Variants in MARCHF10 observed in about 807,000 individuals in gnomAD.
MARCHF10 encodes the protein membrane associated ring-CH-type finger 10, also known as probable E3 ubiquitin-protein ligase MARCHF10.
A neutral mutation model predicts 76.2 loss-of-function variants in MARCHF10; 64 were observed. The ratio of observed to expected loss-of-function variants is 0.84; its 90% confidence interval spans 0.69 to 1.03. The LOEUF is 1.03. Among genes scored for constraint, MARCHF10 ranks in the 50% least tolerant of loss-of-function variants. MARCHF10 has a pLI of 0.00. For missense variants in MARCHF10, 875 were observed against 958.0 expected (o/e 0.91, Z 1.14); for synonymous variants, 340 against 357.5 (o/e 0.95, Z 0.55).
intron 3 of MARCHF10, among the ~76,000 whole-genome samples, chr17:62,779,234 G>A (rs1337614953): frequency 6.6e-6 from 1 of 152,214 alleles, no homozygotes; most frequent in South Asian, 2.1e-4. Flanking sequence ...TAGAACCAGC[G>A]TGTGCATGCG....
At chr17:62,782,375 T>C (rs1598014935) in intron 3 of MARCHF10, among the ~76,000 whole-genome samples, 1 of 122,340 alleles carries the variant, frequency 8.2e-6, no homozygotes. Context: ...TGAGATGGAG[T>C]CTCGCTCTGT....
chr17:62,802,807 G>C (rs1263990018), intron 1 of MARCHF10, among the ~76,000 whole-genome samples: 1 of 152,204 alleles, frequency 6.6e-6, no homozygotes, highest in Non-Finnish European at 1.5e-5. Flanking sequence ...CTGGAGCAGA[G>C]ATGAGGAAGG....
intron 3 of MARCHF10, among the ~76,000 whole-genome samples, chr17:62,762,751 G>A (rs2092239116): frequency 6.6e-6 from 1 of 152,158 alleles, no homozygotes; most frequent in Admixed American, 6.5e-5. Context: ...TCACCATGTT[G>A]CCCAGGCTGG....
chr17:62,772,574 T>C (rs947558407), intron 3 of MARCHF10, among the ~76,000 whole-genome samples: 1 of 152,074 alleles, frequency 6.6e-6, no homozygotes, highest in Non-Finnish European at 1.5e-5. Context: ...ATATTCTGAT[T>C]TGGGGATCAA....
chr17:62,790,010 A>T (rs1221726622), intron 2 of MARCHF10, among the ~76,000 whole-genome samples: 2 of 152,196 alleles, frequency 1.3e-5, no homozygotes, highest in African/African-American at 4.8e-5. Context: ...AGTGCAAAAT[A>T]AGAAAAATAA....
intron 2 of MARCHF10, among the ~76,000 whole-genome samples, chr17:62,796,457 C>T (rs1385391588): frequency 2.0e-5 from 3 of 152,170 alleles, no homozygotes; most frequent in Non-Finnish European, 4.4e-5. Flanking sequence ...TAAAGACAAC[C>T]AGATTTATTT....
At position 62,720,426 on chromosome 17, in the gene MARCHF10, C is replaced by T. The variant is rs1390919206; in HGVS notation, c.2214+2062G>A. Among the ~76,000 whole-genome samples, 3 of 152,142 alleles carry T rather than the reference C, an allele frequency of 2.0e-5. No individual in the cohort carries two copies. The East Asian group carries it at 5.8e-4, about 29-fold the overall frequency. On this transcript the variant is annotated intron_variant, in intron 8 of 10. Transcript: ENST00000311269. ...TGCTTCTCAGTTTCTCTATCCTCCC[C>T]CTCCCACCTTAGGTGGGACAAGATG...
In MARCHF10 at chr17:62,779,221, A is replaced by G. The variant is rs148597587; in HGVS notation, c.210+9259T>C. Among the ~76,000 whole-genome samples the G allele has an allele frequency of 1.5e-3, 233 of 152,336 alleles. 3 individuals are homozygous for G. The South Asian group carries it at 0.016, about 10-fold the overall frequency. Reference sequence around the variant, plus strand: ...GCCTCCCAGGGTGGGGCCCCCTGGCAGCTAGAACCAGCGTGTGCATGCGCG... The same window carrying G: ...GCCTCCCAGGGTGGGGCCCCCTGGCGGCTAGAACCAGCGTGTGCATGCGCG... On this transcript the variant is annotated intron_variant, in intron 3 of 10. Coordinates refer to ENST00000311269, the MANE Select transcript of MARCHF10 (RefSeq NM_152598.4).
intron 5 of MARCHF10, 76 bp downstream of exon 5, chr17:62,744,300 T>C (rs2091623018): frequency 1.3e-6 from 2 of 1,482,494 alleles, no homozygotes; most frequent in Admixed American, 2.2e-5. Context: ...CTAAAAACCA[T>C]AAAGAATTCA....
rs2089934298 is a variant in MARCHF10 at position 62,711,597 on chromosome 17, A to G, written c.2215-253T>C. ...GAGAAAGTTCCATTTTCCAGGCTCAATCCCATTCCACATTTATTGAGCAGT... is the reference window on the plus strand; with the variant it reads ...GAGAAAGTTCCATTTTCCAGGCTCAGTCCCATTCCACATTTATTGAGCAGT... On this transcript the variant is annotated intron_variant, in intron 8 of 10. Transcript: ENST00000311269. This position sits in a 1 kb window ranked among gnomAD's most constrained non-coding sequence, Gnocchi z 4.4. 6.6e-6 allele frequency among the ~76,000 whole-genome samples: 1 copy of G among 152,200 alleles called. No homozygotes were observed. The highest frequency in any genetic ancestry group is 1.5e-5 in the Non-Finnish European group (1 of 68,034).
chr17:62,759,895 G>A lies in MARCHF10; in HGVS notation c.322C>T (p.His108Tyr), dbSNP rs1351327894. 8.1e-6 allele frequency: 13 copies of A among 1,613,932 alleles called. No individual in the cohort carries two copies. Among genetic ancestry groups the A allele is most frequent in the Non-Finnish European group, 1.1e-5 (13 of 1,180,020 alleles). The stretch of plus-strand genomic sequence containing the variant: ...TTCCTTACAGTCATGGTACTTTTAT[G>A]TTTCTGCTTGACTGATGTTTGGTCA... ...AIDQTSVKQK[H>Y]KSTMTVRKAE... Residue 108 changes from histidine (H) to tyrosine (Y), a missense_variant, in exon 4 of 11, where the codon CAT (histidine) becomes TAT (tyrosine). Physicochemically the swap from His to Tyr is moderately conservative, Grantham distance 83 (BLOSUM62 2). Coordinates refer to ENST00000311269, the MANE Select transcript of MARCHF10 (RefSeq NM_152598.4).
rs1449298973 is a variant in MARCHF10, at chr17:62,736,932, G to A, written c.936C>T (p.Ser312=). The A allele has an allele frequency of 1.2e-6, 2 of 1,613,968 alleles. No homozygotes were observed. Among genetic ancestry groups the A allele is most frequent in the Non-Finnish European group, 8.5e-7 (1 of 1,180,018 alleles). ...CCCCAAATCTACTTCTTTTGTGATG[G>A]GAAGGAGAACAGGGTGAGCGCACAC... ...WVGVRSPCSP[S]HHKRSRFGGT... Residue 312 remains serine (S), a synonymous_variant, in exon 6 of 11, where the codon TCC becomes TCT. Transcript: ENST00000311269.
intron 6 of MARCHF10, chr17:62,726,060 C>T (rs2090742879): frequency 6.6e-6 from 1 of 152,250 alleles, no homozygotes; most frequent in Non-Finnish European, 1.5e-5. Flanking sequence ...TGGACACAAT[C>T]TCCCGAATAA....
chr17:62,728,226 A>G (rs370060746), intron 6 of MARCHF10, among the ~76,000 whole-genome samples: 1 of 151,838 alleles, frequency 6.6e-6, no homozygotes, highest in African/African-American at 2.4e-5. Context: ...CAGGGTCTCC[A>G]TTGTTGCCAG....
intron 5 of MARCHF10, 82 bp from the exon 6 acceptor site, chr17:62,737,414 C>A: frequency 7.7e-7 from 1 of 1,295,776 alleles, no homozygotes; most frequent in African/African-American, 1.5e-5. Flanking sequence ...GCAAAATTGC[C>A]CTTTAAATGC....
At chr17:62,713,219 AG>A (rs1302245129) in intron 8 of MARCHF10, among the ~76,000 whole-genome samples, 1 of 152,158 alleles carries the variant, frequency 6.6e-6, no homozygotes, top group Non-Finnish European at 1.5e-5. Flanking sequence ...CTCCTGCAAA[AG>A]CTGCCAGTGG....
intron 6 of MARCHF10, among the ~76,000 whole-genome samples, chr17:62,726,538 C>T (rs1053773046): frequency 1.3e-5 from 2 of 152,186 alleles, no homozygotes; most frequent in African/African-American, 4.8e-5. Flanking sequence ...AACATGTGTA[C>T]ATGGGAGTGA....
intron 3 of MARCHF10, among the ~76,000 whole-genome samples, chr17:62,770,543 C>CTTTTTTTTTT: frequency 7.3e-6 from 1 of 136,542 alleles, no homozygotes; most frequent in Non-Finnish European, 1.6e-5. Context: ...TGTATTTTGA[C>CTTTTTTTTTT]TTTTTTTTTT....
At chr17:62,713,193 C>T (rs1015696673) in intron 8 of MARCHF10, among the ~76,000 whole-genome samples, 3 of 152,196 alleles carry the variant, frequency 2.0e-5, no homozygotes, top group African/African-American at 4.8e-5. Context: ...TATTTGTTTA[C>T]CTCATCCCCG....
Sources: gnomAD v4.1 joint callset for allele counts (sites outside exome capture counted in the v4.1 genomes callset) on GRCh38, gnomAD v4.1.1 for gene constraint, Gnocchi (gnomAD v3.1) non-coding constraint, MANE v1.5 for transcripts, NCBI Gene and HGNC (gene_info 2026-07-23, HGNC 2026-07-21) for gene names.